The following TPPP2 variants were observed in gnomAD, a reference collection of about 807,000 sequenced individuals.
TPPP2 encodes tubulin polymerization promoting protein family member 2.
In TPPP2, 8 loss-of-function variants were observed where a neutral mutation model predicts 13.0. That is an observed-to-expected ratio of 0.62 (90% CI 0.36 to 1.11). The LOEUF is 1.11. TPPP2 is among the 50% of genes most tolerant of loss of function. The pLI, the probability that TPPP2 is intolerant of heterozygous loss-of-function variation, is 0.02. For synonymous variants in TPPP2, 81 were observed against 81.8 expected, an observed-to-expected ratio of 0.99 and a Z score of 0.05; for missense variants, 213 against 216.9, an observed-to-expected ratio of 0.98 and a Z score of 0.11.
chr14:21,036,064 A>G (rs528905714), downstream of TPPP2: 10 of 391,096 alleles, frequency 2.6e-5, no homozygotes, highest in African/African-American at 1.0e-4. Flanking sequence ...ATGTATATCA[A>G]GAGTTTTTAG....
downstream of TPPP2, chr14:21,034,232 C>T: frequency 6.2e-7 from 1 of 1,614,030 alleles, no homozygotes; most frequent in Middle Eastern, 1.6e-4. Flanking sequence ...TGTCCATGAC[C>T]AGAGTTGGCC....
At position 21,032,778 on chromosome 14, in the gene TPPP2, T is replaced by C. The variant is rs560465005; in HGVS notation, c.*701T>C. ...AGGATTCCAAGAGCAGGAGTTCTGG[T>C]GCACTGAAGAAAAAGCAATTAAATC... On this transcript the variant is annotated 3_prime_UTR_variant, in exon 4 of 4. Transcript: ENST00000321760. 1.9e-3 allele frequency: 700 copies of C among 372,190 alleles called. 2 individuals carry two copies. Among genetic ancestry groups the C allele is most frequent in the African/African-American group, 0.014 (649 of 47,010 alleles). The allele number at this position is 372,190 out of a possible 1,614,324, so 23.1% of individuals were successfully genotyped here. A position where few individuals can be genotyped will look rare whatever the true frequency, so the allele number is the denominator to read the frequency against.
chr14:21,027,394 C>T (rs1352969236), upstream of TPPP2, among the ~76,000 whole-genome samples: 1 of 152,000 alleles, frequency 6.6e-6, no homozygotes, highest in East Asian at 1.9e-4. Context: ...CATCTGGTCA[C>T]ACCCTCTCTA....
chr14:21,024,742 C>T (rs1365143878), intron 1 of TPPP2: 6 of 985,396 alleles, frequency 6.1e-6, no homozygotes, highest in Non-Finnish European at 7.2e-6. Flanking sequence ...GCCCAGCACC[C>T]GGAACCCGTC....
At chr14:21,036,055 T>A (rs1041513445), downstream of TPPP2, 18 of 386,750 alleles carry the variant, frequency 4.7e-5, no homozygotes, top group Non-Finnish European at 8.7e-5. Context: ...TCCATTAAGA[T>A]GTATATCAAG....
upstream of TPPP2, chr14:21,025,233 C>CG (rs1186817352): frequency 4.7e-6 from 4 of 851,670 alleles, no homozygotes; most frequent in Non-Finnish European, 5.7e-6. The surrounding 1 kb of genome is among the most constrained non-coding windows in gnomAD (Gnocchi z 5.1). Flanking sequence ...GTGCTGGGGC[C>CG]GGGGGGCGAG....
chr14:21,034,290 C>T (rs1884467848), downstream of TPPP2: 7 of 1,604,786 alleles, frequency 4.4e-6, no homozygotes, highest in Non-Finnish European at 5.1e-6. Context: ...TGGTGCCATT[C>T]CTCCTGCTGG....
downstream of TPPP2, chr14:21,034,226 C>T (rs753614080): frequency 5.6e-6 from 9 of 1,613,944 alleles, no homozygotes; most frequent in African/African-American, 1.3e-5. Flanking sequence ...TCTTGATGTC[C>T]ATGACCAGAG....
chr14:21,024,904 G>A, intron 1 of TPPP2: 1 of 985,578 alleles, frequency 1.0e-6, no homozygotes, highest in Non-Finnish European at 1.2e-6. Flanking sequence ...GCAACCGAGC[G>A]CCCGCTCCGT....
chr14:21,030,412 A>G (rs1055295639), intron 1 of TPPP2, 101 bp from the exon 2 acceptor site: 20 of 666,432 alleles, frequency 3.0e-5, no homozygotes, highest in East Asian at 1.1e-4. Flanking sequence ...CGTAGGTGCA[A>G]TGGGAGCTGG....
chr14:21,028,282 C>G (rs73583894), upstream of TPPP2, among the ~76,000 whole-genome samples: 1,252 of 151,924 alleles, frequency 8.2e-3, 23 homozygotes, highest in African/African-American at 0.029. Flanking sequence ...GAGATGGGGT[C>G]TCTCTGTCAG....
downstream of TPPP2, chr14:21,034,296 G>T: frequency 6.2e-7 from 1 of 1,602,108 alleles, no homozygotes; most frequent in Non-Finnish European, 8.5e-7. Flanking sequence ...CATTCCTCCT[G>T]CTGGTAGAGT....
At chr14:21,027,590 A>G (rs1883779878), upstream of TPPP2, among the ~76,000 whole-genome samples, 1 of 152,212 alleles carries the variant, frequency 6.6e-6, no homozygotes, top group African/African-American at 2.4e-5. Flanking sequence ...GATGGAGAAA[A>G]TGCAAACTAT....
chr14:21,026,378 G>A (rs983567422), upstream of TPPP2, among the ~76,000 whole-genome samples: 1 of 138,828 alleles, frequency 7.2e-6, no homozygotes, highest in Non-Finnish European at 1.5e-5. Context: ...TTGCCATTTC[G>A]GGGGCTGGGC....
upstream of TPPP2, among the ~76,000 whole-genome samples, chr14:21,026,368 T>G (rs1027679772): frequency 7.2e-6 from 1 of 138,724 alleles, no homozygotes; most frequent in African/African-American, 2.8e-5. Flanking sequence ...GGTTCCTGAG[T>G]TGCCATTTCG....
chr14:21,030,628 G>A lies in TPPP2; in HGVS notation c.47G>A (p.Gly16Glu), dbSNP rs1363896606. 2 of 1,614,036 alleles carry A rather than the reference G, an allele frequency of 1.2e-6. No homozygotes were observed. Among genetic ancestry groups the A allele is most frequent in the Non-Finnish European group, 1.7e-6 (2 of 1,179,992 alleles). ...EKTFHRFAAF[G>E]ESSSSGTEMN... is the part of the protein sequence containing the mutation. ...ACATTCCATCGGTTTGCTGCGTTTG[G>A]AGAATCATCAAGCAGTGGCACTGAA... Residue 16 changes from glycine (G) to glutamate (E), a missense_variant, in exon 2 of 4, where the codon GGA becomes GAA. By Grantham distance (98) the Gly-to-Glu change is moderately conservative (BLOSUM62 -2). Coordinates refer to ENST00000321760, the MANE Select transcript of TPPP2 (RefSeq NM_173846.5).
upstream of TPPP2, chr14:21,025,237 G>A: frequency 1.2e-6 from 1 of 840,264 alleles, no homozygotes; most frequent in Non-Finnish European, 1.4e-6. This position sits in a 1 kb window ranked among gnomAD's most constrained non-coding sequence, Gnocchi z 5.1. Flanking sequence ...TGGGGCCGGG[G>A]GGCGAGGGGC....
At chr14:21,034,282 G>A (rs575423771), downstream of TPPP2, 2 of 1,608,916 alleles carry the variant, frequency 1.2e-6, no homozygotes, top group Middle Eastern at 1.7e-4. Context: ...GTCACAGCTG[G>A]TGCCATTCCT....
upstream of TPPP2, among the ~76,000 whole-genome samples, chr14:21,027,672 G>A (rs142008534): frequency 0.016 from 2,399 of 152,298 alleles, 24 homozygotes; most frequent in Non-Finnish European, 0.024. Context: ...CACATGCAAG[G>A]CATATTATTT....
Sources: gnomAD v4.1 joint callset for allele counts (sites outside exome capture counted in the v4.1 genomes callset) on GRCh38, gnomAD v4.1.1 for gene constraint, Gnocchi (gnomAD v3.1) non-coding constraint, MANE v1.5 for transcripts, NCBI Gene and HGNC (gene_info 2026-07-23, HGNC 2026-07-21) for gene names.